The following TTLL5 variants were observed in gnomAD, a reference collection of about 807,000 sequenced individuals.
The protein encoded by TTLL5 is tubulin polyglutamylase TTLL5.
A neutral mutation model predicts 168.4 loss-of-function variants in TTLL5; 132 were observed. The observed-to-expected ratio is 0.78, with a 90% confidence interval of 0.68 to 0.91. The LOEUF (loss-of-function observed/expected upper bound fraction) is 0.91. Among genes scored for constraint, TTLL5 ranks in the 40% least tolerant of loss-of-function variants. The pLI, the probability that TTLL5 is intolerant of heterozygous loss-of-function variation, is 0.00. For missense variants in TTLL5, 1,545 were observed against 1,581.5 expected (o/e 0.98, Z 0.39); for synonymous variants, 546 against 558.6 (o/e 0.98, Z 0.32).
intron 31 of TTLL5, among the ~76,000 whole-genome samples, chr14:75,943,059 C>G (rs1218030038): frequency 6.6e-6 from 1 of 152,146 alleles, no homozygotes; most frequent in Non-Finnish European, 1.5e-5. Context: ...GGGTTAGCTA[C>G]AGTGGCTGGT....
intron 4 of TTLL5, among the ~76,000 whole-genome samples, chr14:75,682,910 G>T (rs1269627632): frequency 1.3e-5 from 2 of 151,958 alleles, no homozygotes; most frequent in Non-Finnish European, 2.9e-5. Context: ...GGTACTACAG[G>T]TGCATGGCAC....
chr14:75,916,349 A>G (rs955856965), intron 31 of TTLL5, among the ~76,000 whole-genome samples: 2 of 152,086 alleles, frequency 1.3e-5, no homozygotes, highest in Non-Finnish European at 2.9e-5. Flanking sequence ...ACAATTAAAC[A>G]TAGAATTACT....
At chr14:75,849,417 G>A (rs1896730176) in intron 28 of TTLL5, among the ~76,000 whole-genome samples, 1 of 152,146 alleles carries the variant, frequency 6.6e-6, no homozygotes, top group Non-Finnish European at 1.5e-5. Flanking sequence ...TATGTTTCTG[G>A]TGCTTGTGAT....
At chr14:75,688,353 A>G (rs1380115095) in intron 5 of TTLL5, among the ~76,000 whole-genome samples, 1 of 152,218 alleles carries the variant, frequency 6.6e-6, no homozygotes, top group African/African-American at 2.4e-5. Context: ...AACAGAATAC[A>G]TGGAGATTCT....
At chr14:75,730,245 A>G (rs1888445698) in intron 12 of TTLL5, among the ~76,000 whole-genome samples, 1 of 152,200 alleles carries the variant, frequency 6.6e-6, no homozygotes, top group African/African-American at 2.4e-5. Context: ...ATTTAGTGCT[A>G]TATCACAGAT....
At chr14:75,817,091 T>C (rs1264036627) in intron 27 of TTLL5, among the ~76,000 whole-genome samples, 2 of 147,372 alleles carry the variant, frequency 1.4e-5, no homozygotes, top group Admixed American at 7.0e-5. Context: ...GCAATTCTCC[T>C]GCCTCAGTTT....
chr14:75,715,264 CTTTTTTTTTTTT>C (rs1201985101), intron 9 of TTLL5, among the ~76,000 whole-genome samples: 1 of 130,950 alleles, frequency 7.6e-6, no homozygotes, highest in Admixed American at 7.7e-5. Context: ...CACCATCTTC[CTTTTTTTTTTTT>C]TTTTTTTTTT....
chr14:75,751,120 G>C (rs932918020), intron 17 of TTLL5, among the ~76,000 whole-genome samples: 1 of 152,140 alleles, frequency 6.6e-6, no homozygotes, highest in Non-Finnish European at 1.5e-5. Flanking sequence ...ACACACTGCT[G>C]TCACTTGCTC....
At chr14:75,801,630 C>G (rs984730138) in intron 27 of TTLL5, among the ~76,000 whole-genome samples, 1 of 151,994 alleles carries the variant, frequency 6.6e-6, no homozygotes, top group African/African-American at 2.4e-5. Flanking sequence ...TTTTGTGTTG[C>G]AAAGCTCAAT....
Position 75,815,992 on chromosome 14 carries a change from G to A in TTLL5, c.3172-4015G>A, listed in dbSNP as rs542031359. 7.9e-5 allele frequency among the ~76,000 whole-genome samples: 12 copies of A among 152,320 alleles called. No homozygotes were observed. The South Asian group carries it at 1.9e-3, about 24-fold the overall frequency. ...TATTTGGGAAAAGTAGACCACATGC[G>A]CTGGAAGGCGAACACTCTCTGTTCT... On this transcript the variant is annotated intron_variant, in intron 27 of 31. Coordinates refer to ENST00000298832, the MANE Select transcript of TTLL5 (RefSeq NM_015072.5).
At chr14:75,782,445 A>G (rs371341465) in intron 24 of TTLL5, 42 bp from the exon 25 acceptor site, 61 of 1,511,424 alleles carry the variant, frequency 4.0e-5, no homozygotes, top group South Asian at 3.7e-4. Flanking sequence ...CGGACTTGCA[A>G]TTGATTATAA....
At chr14:75,748,614 G>A (rs929034375) in intron 17 of TTLL5, among the ~76,000 whole-genome samples, 2 of 152,178 alleles carry the variant, frequency 1.3e-5, no homozygotes, top group African/African-American at 4.8e-5. Context: ...TGAAGTTTTT[G>A]TATAGGCTCA....
chr14:75,665,895 C>T (rs1373843657), intron 2 of TTLL5, among the ~76,000 whole-genome samples: 2 of 152,134 alleles, frequency 1.3e-5, no homozygotes, highest in African/African-American at 4.8e-5. Context: ...TAGATAACGT[C>T]AAAGGCACAG....
intron 31 of TTLL5, among the ~76,000 whole-genome samples, chr14:75,943,751 G>C (rs1319052766): frequency 6.6e-6 from 1 of 152,144 alleles, no homozygotes; most frequent in African/African-American, 2.4e-5. Context: ...GTTAGACTAA[G>C]ATAATTGAAA....
At chr14:75,666,465 A>G (rs1211394908) in intron 2 of TTLL5, among the ~76,000 whole-genome samples, 1 of 152,278 alleles carries the variant, frequency 6.6e-6, no homozygotes, top group African/African-American at 2.4e-5. Context: ...AACGTGATGT[A>G]AGATTTCTTT....
intron 31 of TTLL5, among the ~76,000 whole-genome samples, chr14:75,933,903 CACA>C (rs2140175376): frequency 6.6e-6 from 1 of 152,300 alleles, no homozygotes; most frequent in East Asian, 1.9e-4. Context: ...CATGCAAGGA[CACA>C]GCAAGACTGT....
chr14:75,925,303 G>T (rs1409350282), intron 31 of TTLL5, among the ~76,000 whole-genome samples: 1 of 151,436 alleles, frequency 6.6e-6, no homozygotes, highest in Non-Finnish European at 1.5e-5. Context: ...CAGACGGGGC[G>T]GTTGCCAGGT....
At chr14:75,696,576 A>G (rs1418991803) in intron 6 of TTLL5, among the ~76,000 whole-genome samples, 3 of 152,234 alleles carry the variant, frequency 2.0e-5, no homozygotes, top group African/African-American at 4.8e-5. Context: ...TTTGTCATAT[A>G]TAACTATAAA....
intron 17 of TTLL5, among the ~76,000 whole-genome samples, chr14:75,747,825 C>T (rs1889704911): frequency 6.6e-6 from 1 of 152,176 alleles, no homozygotes. Context: ...GATAGTTGCA[C>T]TTTGCTCAGC....
Sources: gnomAD v4.1 joint callset for allele counts (sites outside exome capture counted in the v4.1 genomes callset) on GRCh38, gnomAD v4.1.1 for gene constraint, MANE v1.5 for transcripts, NCBI Gene and HGNC (gene_info 2026-07-23, HGNC 2026-07-21) for gene names.